The following PSMA1 variants were observed in gnomAD, a reference collection of about 807,000 sequenced individuals.
PSMA1 encodes proteasome subunit alpha type-1.
Under a neutral mutation model 38.4 loss-of-function variants are expected in PSMA1, and 3 were observed. That is an observed-to-expected ratio of 0.08 (90% CI 0.04 to 0.20). The LOEUF (loss-of-function observed/expected upper bound fraction) is 0.20. Among genes scored for constraint, PSMA1 ranks in the 10% least tolerant of loss-of-function variants. The pLI is 1.00. For synonymous variants in PSMA1, 101 were observed against 107.1 expected (o/e 0.94, Z 0.35); for missense variants, 227 against 325.3 (o/e 0.70, Z 2.32).
chr11:14,604,496 T>G (rs1252069332), intron 2 of PSMA1, among the ~76,000 whole-genome samples: 1 of 152,232 alleles, frequency 6.6e-6, no homozygotes, highest in Admixed American at 6.5e-5. Flanking sequence ...TGTAATATGC[T>G]AGAGGTCACA....
At chr11:14,540,898 T>C (rs1227334932) in intron 2 of PSMA1, among the ~76,000 whole-genome samples, 4 of 151,592 alleles carry the variant, frequency 2.6e-5, no homozygotes, top group African/African-American at 7.3e-5. Flanking sequence ...AAGTTAACAC[T>C]TGGACACAGG....
At chr11:14,521,773 A>C (rs1851533236), upstream of PSMA1, among the ~76,000 whole-genome samples, 1 of 151,470 alleles carries the variant, frequency 6.6e-6, no homozygotes, top group East Asian at 1.9e-4. Flanking sequence ...CTCAAAAAAA[A>C]AAAAACAAAA....
intron 2 of PSMA1, among the ~76,000 whole-genome samples, chr11:14,540,615 GA>G (rs1851763362): frequency 6.6e-6 from 1 of 151,874 alleles, no homozygotes; most frequent in African/African-American, 2.4e-5. Context: ...AAGGAAATGT[GA>G]AAAAAAATTG....
intron 2 of PSMA1, among the ~76,000 whole-genome samples, chr11:14,602,797 A>T (rs1852599334): frequency 6.6e-6 from 1 of 152,200 alleles, no homozygotes; most frequent in South Asian, 2.1e-4. Context: ...AGGAACAAAG[A>T]TGGTGAGTGT....
chr11:14,586,410 C>T (rs867830914), intron 2 of PSMA1, among the ~76,000 whole-genome samples: 1 of 151,174 alleles, frequency 6.6e-6, no homozygotes, highest in Non-Finnish European at 1.5e-5. Context: ...CCAGCCTGGG[C>T]GACCAAGTGA....
Position 14,608,583 on chromosome 11 carries a change from CA to C in PSMA1, c.21+2382del, listed in dbSNP as rs966779717. Among the ~76,000 whole-genome samples, 111 of 140,780 alleles carry C rather than the reference CA, an allele frequency of 7.9e-4. No individual in the cohort carries two copies. The Middle Eastern group carries it at 0.015, about 19-fold the overall frequency. The allele number at this position is 140,780 out of a possible 152,430, so 92.4% of individuals were successfully genotyped here. A position where few individuals can be genotyped will look rare whatever the true frequency, so the allele number is the denominator to read the frequency against. ...TAATAATAATAAAATTTAAAAAAGG[CA>C]AAAAAAAATTTTATATATATAAAAT... is the stretch of plus-strand genomic sequence containing the variant. On this transcript the variant is annotated intron_variant, in intron 2 of 10. Transcript: ENST00000418988.
chr11:14,570,299 A>G (rs1022733434), intron 2 of PSMA1, among the ~76,000 whole-genome samples: 47 of 152,278 alleles, frequency 3.1e-4, no homozygotes, highest in Non-Finnish European at 5.7e-4. Context: ...AAATCAGAGC[A>G]CCTCTTCTCC....
At chr11:14,611,738 T>C (rs369034403) in intron 1 of PSMA1, among the ~76,000 whole-genome samples, 1 of 152,164 alleles carries the variant, frequency 6.6e-6, no homozygotes, top group African/African-American at 2.4e-5. Flanking sequence ...CACTAGATTG[T>C]TCCTTCCTTT....
chr11:14,512,200 C>A (rs377328841), intron 7 of PSMA1, among the ~76,000 whole-genome samples: 23 of 152,210 alleles, frequency 1.5e-4, no homozygotes, highest in African/African-American at 5.3e-4. Context: ...CATGGAGAAA[C>A]CCCGTCTCTA....
At chr11:14,631,620 T>C (rs1171810655) in intron 1 of PSMA1, among the ~76,000 whole-genome samples, 1 of 152,208 alleles carries the variant, frequency 6.6e-6, no homozygotes, top group African/African-American at 2.4e-5. Flanking sequence ...TGTGGTGTGG[T>C]GCTGAAAAAA....
At chr11:14,523,014 A>T (rs983424171), upstream of PSMA1, among the ~76,000 whole-genome samples, 26 of 152,194 alleles carry the variant, frequency 1.7e-4, no homozygotes, top group African/African-American at 6.3e-4. Context: ...TATCACTCCA[A>T]ACCTGTCCTT....
intron 1 of PSMA1, among the ~76,000 whole-genome samples, chr11:14,634,587 C>T (rs985355708): frequency 6.6e-6 from 1 of 151,408 alleles, no homozygotes; most frequent in Non-Finnish European, 1.5e-5. Context: ...TCAAGTTATT[C>T]TCCTAACTCA....
intron 1 of PSMA1, among the ~76,000 whole-genome samples, chr11:14,630,496 T>G (rs1029958948): frequency 6.6e-5 from 10 of 152,166 alleles, no homozygotes; most frequent in African/African-American, 2.2e-4. Flanking sequence ...GAACCAGCCT[T>G]GCATCCCAGG....
At chr11:14,621,040 C>A (rs555357169) in intron 1 of PSMA1, among the ~76,000 whole-genome samples, 30 of 152,270 alleles carry the variant, frequency 2.0e-4, no homozygotes, top group African/African-American at 6.7e-4. Flanking sequence ...TATACCTTTT[C>A]ATTTTCCTGT....
At chr11:14,556,890 C>T (rs550806067) in intron 2 of PSMA1, among the ~76,000 whole-genome samples, 4 of 152,212 alleles carry the variant, frequency 2.6e-5, no homozygotes, top group African/African-American at 4.8e-5. Flanking sequence ...GGCTAGGGTA[C>T]AGTGGAGCAA....
At chr11:14,509,561 C>T (rs1468620134) in intron 8 of PSMA1, among the ~76,000 whole-genome samples, 10 of 151,470 alleles carry the variant, frequency 6.6e-5, no homozygotes, top group African/African-American at 1.7e-4. Flanking sequence ...CCGCCACGCC[C>T]GGCTGATTTT....
At chr11:14,639,262 G>GAA (rs34755167) in intron 1 of PSMA1, among the ~76,000 whole-genome samples, 46,017 of 151,660 alleles carry the variant, frequency 0.3, 7,952 homozygotes, top group South Asian at 0.43. Context: ...GTAAATCTAG[G>GAA]AAAAAGGGTT....
intron 1 of PSMA1, among the ~76,000 whole-genome samples, chr11:14,629,827 A>G (rs1022378481): frequency 2.0e-5 from 3 of 151,764 alleles, no homozygotes; most frequent in Non-Finnish European, 4.4e-5. Context: ...ATTTGTTTGT[A>G]TCCTCTTTTA....
upstream of PSMA1, among the ~76,000 whole-genome samples, chr11:14,523,748 T>C (rs1851556048): frequency 6.6e-6 from 1 of 151,782 alleles, no homozygotes; most frequent in African/African-American, 2.4e-5. Flanking sequence ...CATGCCCAGA[T>C]AATTTTATTT....
Sources: gnomAD v4.1 joint callset for allele counts (sites outside exome capture counted in the v4.1 genomes callset) on GRCh38, gnomAD v4.1.1 for gene constraint, MANE v1.5 for transcripts, NCBI Gene and HGNC (gene_info 2026-07-23, HGNC 2026-07-21) for gene names.